ATP7A: variants seen among roughly 807,000 people sequenced by gnomAD.
ATP7A encodes the protein copper-transporting ATPase 1.
A neutral mutation model predicts 83.5 loss-of-function variants in ATP7A; 7 were observed. The observed-to-expected ratio is 0.08, with a 90% CI of 0.05 to 0.16. ATP7A has a LOEUF of 0.16. Among genes scored for constraint, ATP7A ranks in the 10% least tolerant of loss-of-function variants. ATP7A has a pLI of 1.00. For missense variants in ATP7A, 940 were observed against 1,120.8 expected, an observed-to-expected ratio of 0.84 and a Z score of 2.30; for synonymous variants, 354 against 395.2, an observed-to-expected ratio of 0.90 and a Z score of 1.24.
intron 1 of ATP7A, among the ~76,000 whole-genome samples, chrX:77,917,500 A>C (rs782635211): frequency 1.3e-4 from 15 of 111,833 alleles, no homozygotes; most frequent in Non-Finnish European, 1.9e-4. Context: ...CCCTTGTATC[A>C]GTTAAGCAAT....
rs2077824641 is a variant in ATP7A at position 78,011,430 on chromosome X, TTTA to T, written c.1947-16_1947-14del. The T allele has an allele frequency of 1.7e-6, 2 of 1,200,136 alleles. No individual in the cohort carries two copies. Among genetic ancestry groups the T allele is most frequent in the Non-Finnish European group, 1.1e-6 (1 of 885,491 alleles). The stretch of plus-strand genomic sequence containing the variant: ...TATTTATGACCATGATTTTTCTTTT[TTTA>T]TTTTTTCCATATAAGATGGAGACGG... On this transcript the variant is annotated splice_polypyrimidine_tract_variant and intron_variant, in intron 8 of 22. Coordinates refer to ENST00000341514, the MANE Select transcript of ATP7A (RefSeq NM_000052.7).
At chrX:77,940,416 G>A (rs1253589280) in intron 1 of ATP7A, among the ~76,000 whole-genome samples, 2 of 109,960 alleles carry the variant, frequency 1.8e-5, no homozygotes, top group African/African-American at 6.6e-5. Context: ...TTAACAAATG[G>A]CATTGGGACA....
intron 1 of ATP7A, among the ~76,000 whole-genome samples, chrX:77,948,109 A>G (rs868984963): frequency 1.9e-5 from 2 of 106,406 alleles, no homozygotes; most frequent in Middle Eastern, 4.9e-3. Flanking sequence ...TTATTCATTC[A>G]TTCATTCATT....
rs781914030 is a variant in ATP7A, at chrX:78,033,668, A to C, written c.3358A>C (p.Ser1120Arg). The C allele has an allele frequency of 8.3e-7, 1 of 1,209,662 alleles. No homozygotes were observed. The highest frequency in any genetic ancestry group is 1.8e-5 in the African/African-American group (1 of 57,119). ...CCAGGTTGTGCCAGGCTGTGGTATTAGCTGTAAAGTCACCAATATTGAAGG... is the reference window on the plus strand; with the variant it reads ...CCAGGTTGTGCCAGGCTGTGGTATTCGCTGTAAAGTCACCAATATTGAAGG... ...DFQVVPGCGISCKVTNIEGLL... is the reference protein window; with the variant it reads ...DFQVVPGCGIRCKVTNIEGLL... Residue 1120 changes from serine to arginine, a missense_variant, in exon 17 of 23, where the codon AGC becomes CGC. This residue lies in a region of ATP7A where 386 missense variants were observed against 502.2 expected (regional missense o/e 0.77). Transcript: ENST00000341514.
chrX:77,981,995 CA>C (rs1388602916), intron 2 of ATP7A, among the ~76,000 whole-genome samples: 1 of 111,352 alleles, frequency 9.0e-6, no homozygotes, highest in Admixed American at 9.6e-5. Context: ...TATATTGAAG[CA>C]TCAAATAGAG....
intron 1 of ATP7A, among the ~76,000 whole-genome samples, chrX:77,949,426 A>G (rs2077401481): frequency 8.9e-6 from 1 of 112,220 alleles, no homozygotes; most frequent in Non-Finnish European, 1.9e-5. Context: ...TTTTAGCAGT[A>G]ACTTTGCTAC....
At chrX:77,911,233 T>C (rs1339620723) in intron 1 of ATP7A, among the ~76,000 whole-genome samples, 1 of 112,605 alleles carries the variant, frequency 8.9e-6, no homozygotes, top group Non-Finnish European at 1.9e-5. Context: ...GAAATAATAA[T>C]TGAAAAATAG....
At chrX:78,038,735 A>G (rs1557237981) in intron 17 of ATP7A, 101 bp from the exon 18 acceptor site, 1 of 933,426 alleles carries the variant, frequency 1.1e-6, no homozygotes, top group African/African-American at 1.9e-5. Context: ...GGAGCAATAC[A>G]ATGTAGTGAC....
chrX:77,993,087 A>G (rs1270659535), intron 4 of ATP7A, among the ~76,000 whole-genome samples: 1 of 112,516 alleles, frequency 8.9e-6, no homozygotes, highest in African/African-American at 3.2e-5. Context: ...TAGTTATATC[A>G]GTATCACCAA....
chrX:77,982,395 G>A (rs2077610125), intron 2 of ATP7A, among the ~76,000 whole-genome samples: 1 of 111,920 alleles, frequency 8.9e-6, no homozygotes, highest in Non-Finnish European at 1.9e-5. Context: ...GGGATAAAAA[G>A]GAATTTCAAT....
At chrX:77,941,924 T>C (rs782067527) in intron 1 of ATP7A, among the ~76,000 whole-genome samples, 3 of 112,433 alleles carry the variant, frequency 2.7e-5, no homozygotes, top group Non-Finnish European at 5.6e-5. Flanking sequence ...TAACAGAATT[T>C]ATTTCTGTGG....
rs782231801 is a variant in ATP7A at position 78,033,810 on chromosome X, C to G, written c.3500C>G (p.Ala1167Gly). ...SSTSSSMIIDAQISNALNAQQ... is the reference protein window; with the variant it reads ...SSTSSSMIIDGQISNALNAQQ... ...ACTTCGTCTTCCATGATTATTGATG[C>G]CCAGATCTCAAGTAAGCTAATTTTC... Residue 1167 changes from alanine to glycine, a missense_variant, in exon 17 of 23, where the codon GCC becomes GGC. This residue lies in a region of ATP7A where 386 missense variants were observed against 502.2 expected (regional missense o/e 0.77). Coordinates refer to ENST00000341514, the MANE Select transcript of ATP7A (RefSeq NM_000052.7). 18 of 1,205,773 alleles carry G rather than the reference C, an allele frequency of 1.5e-5. No homozygotes were observed. In the South Asian group the frequency reaches 3.2e-4, roughly 21 times the overall value.
At chrX:77,928,617 C>G (rs782795328) in intron 1 of ATP7A, among the ~76,000 whole-genome samples, 48 of 111,645 alleles carry the variant, frequency 4.3e-4, no homozygotes, top group Non-Finnish European at 7.5e-4. Flanking sequence ...TTTCCCCACA[C>G]GAAACAGTGT....
rs2077314867 is a variant in ATP7A at position 77,935,371 on chromosome X, G to A, written c.-22+24536G>A. ...GTCATGGAAAACTAAAGCTTAAGGA[G>A]ACAAGTGACAGGCCCAGGGCTTTAA... On this transcript the variant is annotated intron_variant, in intron 1 of 22. Transcript: ENST00000341514. Among the ~76,000 whole-genome samples, 4 of 112,110 alleles carry A rather than the reference G, an allele frequency of 3.6e-5. No individual in the cohort carries two copies. The South Asian group carries it at 1.1e-3, about 31-fold the overall frequency.
chrX:77,978,900 C>T (rs1336121433), intron 2 of ATP7A, among the ~76,000 whole-genome samples: 1 of 111,127 alleles, frequency 9.0e-6, no homozygotes, highest in African/African-American at 3.3e-5. Context: ...GGTGCGATCT[C>T]GGCTCACTGC....
intron 1 of ATP7A, among the ~76,000 whole-genome samples, chrX:77,944,918 T>C (rs1317683672): frequency 3.6e-5 from 4 of 110,858 alleles, no homozygotes; most frequent in African/African-American, 1.3e-4. Flanking sequence ...TGGCACAATC[T>C]TGGCTCACTG....
chrX:77,939,821 G>T (rs1557225465), intron 1 of ATP7A, among the ~76,000 whole-genome samples: 1 of 107,993 alleles, frequency 9.3e-6, no homozygotes, highest in African/African-American at 3.4e-5. Flanking sequence ...AATGAAAAAA[G>T]CTCTTATTCG....
At chrX:77,923,302 A>G (rs1557223299) in intron 1 of ATP7A, 1 of 111,410 alleles carries the variant, frequency 9.0e-6, no homozygotes, top group Non-Finnish European at 1.9e-5. Flanking sequence ...CCCCATGCAC[A>G]ATTTTTTCCC....
At chrX:77,965,461 A>G (rs1557228597) in intron 1 of ATP7A, 2 of 321,394 alleles carry the variant, frequency 6.2e-6, no homozygotes, top group Admixed American at 3.2e-5. Context: ...CAAAACCACA[A>G]TGAGATACCA....
Sources: gnomAD v4.1 joint callset for allele counts (sites outside exome capture counted in the v4.1 genomes callset) on GRCh38, gnomAD v4.1.1 for gene constraint, gnomAD v4.1.1 regional missense constraint, MANE v1.5 for transcripts, NCBI Gene and HGNC (gene_info 2026-07-23, HGNC 2026-07-21) for gene names.